The following SLAMF9 variants were observed in gnomAD, a reference collection of about 807,000 sequenced individuals.
The protein encoded by SLAMF9 is SLAM family member 9.
Under a neutral mutation model 30.4 loss-of-function variants are expected in SLAMF9, and 25 were observed. The ratio of observed to expected loss-of-function variants is 0.82; its 90% confidence interval spans 0.60 to 1.15. The LOEUF (loss-of-function observed/expected upper bound fraction) is 1.15, where lower values mean the gene tolerates loss of function less well. SLAMF9 is among the 50% of genes most tolerant of loss of function. The probability of loss-of-function intolerance (pLI) is 0.00; values close to 1 mark genes in which losing one functional copy is unlikely to be tolerated. For synonymous variants in SLAMF9, 129 were observed against 127.2 expected, an observed-to-expected ratio of 1.01 and a Z score of -0.09; for missense variants, 344 against 346.1, an observed-to-expected ratio of 0.99 and a Z score of 0.05.
At chr1:159,976,925 A>AAAGG in the SLAMF9 span, 6 of 792 alleles carry the variant, frequency 7.6e-3, no homozygotes, top group African/African-American at 9.3e-3. Flanking sequence ...AGAAAGAAAG[A>AAAGG]AAGAAAGAAA....
At chr1:159,959,227 G>A (rs1322829558), upstream of SLAMF9, among the ~76,000 whole-genome samples, 1 of 152,178 alleles carries the variant, frequency 6.6e-6, no homozygotes, top group East Asian at 1.9e-4. Context: ...AGATGGCTAA[G>A]ATGAACTATT....
upstream of SLAMF9, among the ~76,000 whole-genome samples, chr1:159,957,481 A>C (rs1051906345): frequency 1.1e-4 from 17 of 151,366 alleles, no homozygotes; most frequent in Non-Finnish European, 2.4e-4. Context: ...AAAATTAGCC[A>C]GGTGTGGTGG....
chr1:159,974,556 G>A, the SLAMF9 span, among the ~76,000 whole-genome samples: 223 of 152,248 alleles, frequency 1.5e-3, 1 homozygote, highest in African/African-American at 4.1e-3. Flanking sequence ...GATCTGGCTC[G>A]CTCCTACCTT....
At chr1:159,964,372 C>T in the SLAMF9 span, among the ~76,000 whole-genome samples, 41 of 152,232 alleles carry the variant, frequency 2.7e-4, no homozygotes, top group Middle Eastern at 6.8e-3. Flanking sequence ...AGAGGGGCTC[C>T]GGGAGCTTTT....
chr1:159,951,891 G>A (rs759321035), intron 3 of SLAMF9, 25 bp from the exon 4 acceptor site: 37 of 1,606,562 alleles, frequency 2.3e-5, no homozygotes, highest in African/African-American at 2.3e-4. Flanking sequence ...AGGAGGAAAG[G>A]GCCCATCAGT....
intron 2 of SLAMF9, 66 bp downstream of exon 2, chr1:159,953,243 C>G: frequency 7.2e-7 from 1 of 1,381,634 alleles, no homozygotes; most frequent in Non-Finnish European, 1.0e-6. Flanking sequence ...GAGACGCCCA[C>G]TCCATGGTGT....
upstream of SLAMF9, among the ~76,000 whole-genome samples, chr1:159,957,140 C>A (rs375911567): frequency 0.015 from 1,566 of 104,474 alleles, 2 homozygotes; most frequent in Middle Eastern, 0.035. Context: ...AAAAAAAAGA[C>A]AAAAAAAAAA....
the SLAMF9 span, among the ~76,000 whole-genome samples, chr1:159,969,048 AAG>A: frequency 1.9e-4 from 20 of 108,056 alleles, no homozygotes; most frequent in Admixed American, 5.0e-4. Flanking sequence ...TCTCAAAAAA[AAG>A]AAGAAGAAGA....
At chr1:159,977,076 A>T in the SLAMF9 span, 1 of 152,304 alleles carries the variant, frequency 6.6e-6, no homozygotes, top group Non-Finnish European at 1.5e-5. Context: ...GACCGGGAAG[A>T]TTTCCTAATC....
upstream of SLAMF9, chr1:159,954,330 C>G (rs1023329222): frequency 4.3e-6 from 2 of 466,536 alleles, no homozygotes; most frequent in Non-Finnish European, 7.6e-6. Flanking sequence ...TATCATGGCT[C>G]TCTTAGTTCT....
At chr1:159,976,255 C>T in the SLAMF9 span, among the ~76,000 whole-genome samples, 2 of 151,984 alleles carry the variant, frequency 1.3e-5, no homozygotes, top group Non-Finnish European at 2.9e-5. Context: ...TATGGTCCAG[C>T]CATATAATGA....
the SLAMF9 span, chr1:159,973,160 GA>G: frequency 2.6e-6 from 4 of 1,534,998 alleles, no homozygotes; most frequent in Non-Finnish European, 2.7e-6. Context: ...TGTGGAAGGA[GA>G]AAAGGAGCCT....
the SLAMF9 span, among the ~76,000 whole-genome samples, chr1:159,975,257 C>T: frequency 0.022 from 3,331 of 152,000 alleles, 90 homozygotes; most frequent in African/African-American, 0.066. Flanking sequence ...GTGTAGAAAG[C>T]GAAAAAAGAG....
chr1:159,975,588 G>A, the SLAMF9 span, among the ~76,000 whole-genome samples: 4 of 152,070 alleles, frequency 2.6e-5, no homozygotes, highest in Non-Finnish European at 4.4e-5. Flanking sequence ...TTGAAATTGG[G>A]AGTAATTGAA....
At chr1:159,973,300 AGGGCTCAGGAGGGGAGTCCTG>A in the SLAMF9 span, 1 of 643,254 alleles carries the variant, frequency 1.6e-6, no homozygotes, top group South Asian at 2.0e-5. Flanking sequence ...ATGCAGGCCC[AGGGCTCAGGAGGGGAGTCCTG>A]GATGATAAAG....
the SLAMF9 span, among the ~76,000 whole-genome samples, chr1:159,978,071 C>G: frequency 6.6e-6 from 1 of 152,140 alleles, no homozygotes. Flanking sequence ...CACTGCCCCA[C>G]CCCACCAGGT....
chr1:159,967,994 G>A, the SLAMF9 span, among the ~76,000 whole-genome samples: 1 of 152,176 alleles, frequency 6.6e-6, no homozygotes, highest in Non-Finnish European at 1.5e-5. Context: ...AGTTCTAAGG[G>A]TTTTTGATTT....
At chr1:159,973,307 A>G in the SLAMF9 span, 10,695 of 635,136 alleles carry the variant, frequency 0.017, 140 homozygotes, top group South Asian at 0.036. Context: ...CCCAGGGCTC[A>G]GGAGGGGAGT....
At chr1:159,983,904 C>G in the SLAMF9 span, 1 of 152,270 alleles carries the variant, frequency 6.6e-6, no homozygotes, top group East Asian at 1.9e-4. Flanking sequence ...TGCATGGCAG[C>G]AAGGGGCCAG....
Sources: allele counts gnomAD v4.1 joint callset (sites outside exome capture counted in the v4.1 genomes callset), GRCh38; gene constraint gnomAD v4.1.1; transcripts MANE v1.5; gene names NCBI Gene and HGNC (gene_info 2026-07-23, HGNC 2026-07-21).